Variants in KCNIP1 observed in about 807,000 individuals in gnomAD.
The protein encoded by KCNIP1 is A-type potassium channel modulatory protein KCNIP1.
In KCNIP1, 18 loss-of-function variants were observed where a neutral mutation model predicts 33.0. The observed-to-expected ratio is 0.55, with a 90% confidence interval of 0.38 to 0.81. KCNIP1 has a LOEUF of 0.81. Among genes scored for constraint, KCNIP1 ranks in the 30% least tolerant of loss-of-function variants. The pLI, the probability that KCNIP1 is intolerant of heterozygous loss-of-function variation, is 0.00. For synonymous variants in KCNIP1, 93 were observed against 98.3 expected, an observed-to-expected ratio of 0.95 and a Z score of 0.32; for missense variants, 238 against 271.6, an observed-to-expected ratio of 0.88 and a Z score of 0.87.
At chr5:170,518,213 G>A (rs1019159329) in intron 1 of KCNIP1, among the ~76,000 whole-genome samples, 1 of 152,082 alleles carries the variant, frequency 6.6e-6, no homozygotes, top group Non-Finnish European at 1.5e-5. Flanking sequence ...GGATGATAGT[G>A]GTAGTGGTGT....
chr5:170,574,901 A>C (rs980621183), intron 1 of KCNIP1, among the ~76,000 whole-genome samples: 1 of 152,340 alleles, frequency 6.6e-6, no homozygotes, highest in Middle Eastern at 3.4e-3. Context: ...GATTCCACAC[A>C]GACAGTGGCT....
At chr5:170,398,250 C>A (rs886280928) in intron 1 of KCNIP1, among the ~76,000 whole-genome samples, 3 of 152,096 alleles carry the variant, frequency 2.0e-5, no homozygotes, top group Non-Finnish European at 4.4e-5. Flanking sequence ...GTTGGGAGGA[C>A]CTTAAAATTT....
chr5:170,653,065 G>A (rs1452804270), intron 1 of KCNIP1, among the ~76,000 whole-genome samples: 4 of 152,212 alleles, frequency 2.6e-5, no homozygotes, highest in Non-Finnish European at 4.4e-5. Flanking sequence ...AGGAGCGAGG[G>A]TCTAGGCCTG....
At chr5:170,633,507 C>G (rs889078680) in intron 1 of KCNIP1, among the ~76,000 whole-genome samples, 2 of 148,726 alleles carry the variant, frequency 1.3e-5, no homozygotes, top group Admixed American at 6.7e-5. Context: ...CTATGGCAGA[C>G]CCAAGCAGGA....
At chr5:170,539,231 T>C (rs1756105647) in intron 1 of KCNIP1, among the ~76,000 whole-genome samples, 1 of 152,204 alleles carries the variant, frequency 6.6e-6, no homozygotes, top group Non-Finnish European at 1.5e-5. Flanking sequence ...TGTCACTTCC[T>C]GGTTTTACTT....
At chr5:170,725,802 C>T (rs1377977728) in intron 5 of KCNIP1, among the ~76,000 whole-genome samples, 1 of 151,590 alleles carries the variant, frequency 6.6e-6, no homozygotes, top group African/African-American at 2.4e-5. Flanking sequence ...TATGTGCCCA[C>T]AAAAATTAAA....
chr5:170,733,263 G>C (rs1385215504), intron 6 of KCNIP1, among the ~76,000 whole-genome samples: 1 of 152,230 alleles, frequency 6.6e-6, no homozygotes, highest in Non-Finnish European at 1.5e-5. Context: ...GATAGGGCCA[G>C]ATTATGAGAC....
chr5:170,373,926 C>T (rs1763917292), intron 1 of KCNIP1, among the ~76,000 whole-genome samples: 1 of 152,218 alleles, frequency 6.6e-6, no homozygotes, highest in South Asian at 2.1e-4. Context: ...TGGTCATTTT[C>T]TTTCCCTTCC....
chr5:170,498,376 C>G lies in KCNIP1; in HGVS notation c.88+144412C>G, dbSNP rs78508811. On this transcript the variant is annotated intron_variant, in intron 1 of 7. Transcript: ENST00000377360. Reference sequence around the variant, plus strand: ...CCAAAGTCACAAAACAAATCCGGGACTTTAAGCCTGATCTGCTTGACCTGA... The same window carrying G: ...CCAAAGTCACAAAACAAATCCGGGAGTTTAAGCCTGATCTGCTTGACCTGA... Among the ~76,000 whole-genome samples, 965 of 152,262 alleles carry G rather than the reference C, an allele frequency of 6.3e-3. 8 individuals are homozygous for G. Among genetic ancestry groups the G allele is most frequent in the Non-Finnish European group, 0.011 (719 of 68,010 alleles).
At chr5:170,464,921 T>C (rs1756578074) in intron 1 of KCNIP1, among the ~76,000 whole-genome samples, 1 of 152,202 alleles carries the variant, frequency 6.6e-6, no homozygotes, top group South Asian at 2.1e-4. Flanking sequence ...TCTGCCCTAC[T>C]GGCTTGAGTG....
At chr5:170,683,783 G>A (rs1389894359) in intron 1 of KCNIP1, among the ~76,000 whole-genome samples, 1 of 151,660 alleles carries the variant, frequency 6.6e-6, no homozygotes, top group Non-Finnish European at 1.5e-5. Flanking sequence ...GAGTGCAGTG[G>A]CATGATATCA....
At chr5:170,510,769 G>A (rs954785523) in intron 1 of KCNIP1, among the ~76,000 whole-genome samples, 7 of 152,190 alleles carry the variant, frequency 4.6e-5, no homozygotes, top group African/African-American at 1.7e-4. Context: ...GGGGGAAGTA[G>A]GAACCACATT....
chr5:170,415,464 C>A (rs548431167), intron 1 of KCNIP1, among the ~76,000 whole-genome samples: 1 of 152,260 alleles, frequency 6.6e-6, no homozygotes, highest in South Asian at 2.1e-4. Flanking sequence ...CACCCCCAGC[C>A]GTGACAACTA....
chr5:170,385,962 A>C (rs1017596841), intron 1 of KCNIP1, among the ~76,000 whole-genome samples: 8 of 151,828 alleles, frequency 5.3e-5, no homozygotes, highest in Non-Finnish European at 1.2e-4. Context: ...TACTAAAAAA[A>C]AAAAATACAA....
intron 1 of KCNIP1, among the ~76,000 whole-genome samples, chr5:170,436,181 T>C (rs2113454870): frequency 6.6e-6 from 1 of 152,210 alleles, no homozygotes; most frequent in Non-Finnish European, 1.5e-5. Flanking sequence ...CTCTAGGCAA[T>C]GAGATAGTAT....
chr5:170,556,036 A>T (rs1245108990), intron 1 of KCNIP1, among the ~76,000 whole-genome samples: 2 of 152,204 alleles, frequency 1.3e-5, no homozygotes, highest in African/African-American at 2.4e-5. Context: ...CCACTGCAAC[A>T]ATGACAATCA....
chr5:170,730,147 T>C (rs751456756), intron 5 of KCNIP1, among the ~76,000 whole-genome samples: 1 of 152,122 alleles, frequency 6.6e-6, no homozygotes, highest in Non-Finnish European at 1.5e-5. Context: ...TATAAACAAC[T>C]AAATGCTTAT....
intron 5 of KCNIP1, among the ~76,000 whole-genome samples, chr5:170,725,830 T>G (rs1210342325): frequency 6.6e-6 from 1 of 152,096 alleles, no homozygotes; most frequent in African/African-American, 2.4e-5. Flanking sequence ...AATAAATATT[T>G]TTTAAAAATA....
intron 1 of KCNIP1, among the ~76,000 whole-genome samples, chr5:170,435,086 A>C (rs552262544): frequency 2.0e-5 from 3 of 152,344 alleles, no homozygotes; most frequent in African/African-American, 7.2e-5. Flanking sequence ...TCAGGTCCTC[A>C]GACAATTTCC....
Sources: gnomAD v4.1 joint callset for allele counts (sites outside exome capture counted in the v4.1 genomes callset) on GRCh38, gnomAD v4.1.1 for gene constraint, MANE v1.5 for transcripts, NCBI Gene and HGNC (gene_info 2026-07-23, HGNC 2026-07-21) for gene names.